GAB1: variants seen among roughly 807,000 people sequenced by gnomAD.
The protein encoded by GAB1 is GRB2-associated-binding protein 1.
A neutral mutation model predicts 66.5 loss-of-function variants in GAB1; 19 were observed. The observed-to-expected ratio is 0.29, with a 90% CI of 0.20 to 0.42. The LOEUF (loss-of-function observed/expected upper bound fraction) is 0.42. GAB1 is among the 10% of genes least tolerant of loss of function. The pLI, the probability that GAB1 is intolerant of heterozygous loss-of-function variation, is 1.00. For synonymous variants in GAB1, 294 were observed against 301.4 expected (o/e 0.98, Z 0.25); for missense variants, 732 against 858.5 (o/e 0.85, Z 1.84).
intron 4 of GAB1, among the ~76,000 whole-genome samples, chr4:143,438,891 T>C (rs1463244439): frequency 6.6e-6 from 1 of 152,110 alleles, no homozygotes; most frequent in Admixed American, 6.6e-5. Context: ...ATAGGCCCTC[T>C]GTTGGGACAG....
intron 1 of GAB1, among the ~76,000 whole-genome samples, chr4:143,345,539 CT>C (rs1398375298): frequency 2.0e-5 from 3 of 151,800 alleles, no homozygotes; most frequent in African/African-American, 7.3e-5. Context: ...TATTTATTTT[CT>C]TTTGGTTTGA....
chr4:143,361,117 G>A (rs370019226), intron 1 of GAB1, among the ~76,000 whole-genome samples: 37 of 152,166 alleles, frequency 2.4e-4, no homozygotes, highest in African/African-American at 7.9e-4. Context: ...TTTTTGGGAA[G>A]GAGTTTTTTT....
At chr4:143,370,524 T>G (rs951691648) in intron 1 of GAB1, among the ~76,000 whole-genome samples, 1 of 152,184 alleles carries the variant, frequency 6.6e-6, no homozygotes, top group Admixed American at 6.5e-5. Flanking sequence ...GAGTGGGATA[T>G]CCCTGCTGTC....
chr4:143,359,180 G>C (rs1729563665), intron 1 of GAB1, among the ~76,000 whole-genome samples: 1 of 152,082 alleles, frequency 6.6e-6, no homozygotes, highest in Non-Finnish European at 1.5e-5. Context: ...CCTCCTTTGG[G>C]GCCATTTCCG....
Position 143,466,083 on chromosome 4 carries a change from T to G in GAB1, c.1804-20T>G. On this transcript the variant is annotated intron_variant, in intron 8 of 9. Transcript: ENST00000262994. Reference sequence around the variant, plus strand: ...TCTGGTGAATGTCTGACCGTTGATTTTGTTGTCTAATACTTTCAGAATCTC... The same window carrying G: ...TCTGGTGAATGTCTGACCGTTGATTGTGTTGTCTAATACTTTCAGAATCTC... The G allele has an allele frequency of 6.2e-7, 1 of 1,612,016 alleles. No individual in the cohort carries two copies.
intron 1 of GAB1, among the ~76,000 whole-genome samples, chr4:143,346,498 G>A (rs1728995998): frequency 6.6e-6 from 1 of 152,202 alleles, no homozygotes. Context: ...GTGGAGGGAT[G>A]ACTCCTTGAT....
intron 1 of GAB1, among the ~76,000 whole-genome samples, chr4:143,409,386 T>C (rs79109630): frequency 0.1 from 14,396 of 137,928 alleles, 879 homozygotes; most frequent in African/African-American, 0.15. Context: ...CTTTGAACTT[T>C]CCCCCCCCCC....
At chr4:143,352,026 C>A (rs1245769670) in intron 1 of GAB1, among the ~76,000 whole-genome samples, 1 of 152,170 alleles carries the variant, frequency 6.6e-6, no homozygotes, top group Non-Finnish European at 1.5e-5. Flanking sequence ...ATGGCTGAGC[C>A]TTTGATCACT....
intron 1 of GAB1, among the ~76,000 whole-genome samples, chr4:143,337,983 CA>C (rs1728716469): frequency 6.6e-6 from 1 of 152,104 alleles, no homozygotes; most frequent in Non-Finnish European, 1.5e-5. Context: ...GATGTGCTGT[CA>C]AACTCGGCAG....
intron 2 of GAB1, among the ~76,000 whole-genome samples, chr4:143,418,601 G>A (rs970139072): frequency 1.3e-5 from 2 of 152,122 alleles, no homozygotes; most frequent in Non-Finnish European, 2.9e-5. Context: ...GGGGACATAA[G>A]GGCAGACTTT....
intron 1 of GAB1, among the ~76,000 whole-genome samples, chr4:143,337,873 T>G (rs1219769405): frequency 2.0e-5 from 3 of 152,276 alleles, no homozygotes; most frequent in African/African-American, 7.2e-5. Context: ...TTCGCGGTTT[T>G]GAATTGAGGG....
In GAB1 at chr4:143,438,207, G is replaced by A; in HGVS notation, c.802G>A (p.Asp268Asn). Residue 268 changes from aspartate to asparagine, a missense_variant, in exon 4 of 10, where the codon GAT (aspartate) becomes AAT (asparagine). By Grantham distance (23) the Asp-to-Asn change is conservative. Coordinates refer to ENST00000262994, the MANE Select transcript of GAB1 (RefSeq NM_002039.4). ...LYNLPRSYSH[D>N]VLPKVSPSST... Reference sequence around the variant, plus strand: ...TAACCTGCCCAGGAGTTATTCCCATGATGTTTTACCAAAGGTGTCTCCATC... The same window carrying A: ...TAACCTGCCCAGGAGTTATTCCCATAATGTTTTACCAAAGGTGTCTCCATC... 1 of 1,614,036 alleles carries A rather than the reference G, an allele frequency of 6.2e-7. No homozygotes were observed. The highest frequency in any genetic ancestry group is 8.5e-7 in the Non-Finnish European group (1 of 1,180,008).
chr4:143,414,849 A>G (rs535264238), intron 1 of GAB1, among the ~76,000 whole-genome samples: 108 of 152,296 alleles, frequency 7.1e-4, no homozygotes, highest in African/African-American at 2.2e-3. Context: ...TTAATATACA[A>G]TTCACTAGCA....
intron 1 of GAB1, among the ~76,000 whole-genome samples, chr4:143,374,145 A>C (rs748704737): frequency 7.9e-5 from 12 of 151,838 alleles, no homozygotes; most frequent in African/African-American, 2.9e-4. Flanking sequence ...TCTAGATTAT[A>C]TGTATAACAT....
intron 1 of GAB1, among the ~76,000 whole-genome samples, chr4:143,367,417 GGAGA>G (rs1457272325): frequency 2.0e-5 from 3 of 152,144 alleles, no homozygotes; most frequent in Non-Finnish European, 4.4e-5. Flanking sequence ...AGTTTAAAAG[GGAGA>G]GAGTGAGAAC....
At chr4:143,456,966 T>C (rs1032248887) in intron 6 of GAB1, among the ~76,000 whole-genome samples, 2 of 152,184 alleles carry the variant, frequency 1.3e-5, no homozygotes, top group Admixed American at 1.3e-4. Flanking sequence ...GAATTTATGC[T>C]TTCAGAAATA....
chr4:143,373,467 A>T (rs1730240108), intron 1 of GAB1, among the ~76,000 whole-genome samples: 1 of 152,172 alleles, frequency 6.6e-6, no homozygotes, highest in South Asian at 2.1e-4. Flanking sequence ...TTATCCAAAC[A>T]TTTTGAAAAA....
intron 2 of GAB1, among the ~76,000 whole-genome samples, chr4:143,431,997 A>G (rs1268663417): frequency 1.3e-5 from 2 of 152,230 alleles, no homozygotes; most frequent in Admixed American, 1.3e-4. Context: ...AGAATAGGAA[A>G]AGACAGCTTA....
Position 143,469,875 on chromosome 4 carries a change from T to G in GAB1, c.*686T>G, listed in dbSNP as rs1191715518. 6.5e-6 allele frequency: 1 copy of G among 152,724 alleles called. No homozygotes were observed. The highest frequency in any genetic ancestry group is 1.5e-5 in the Non-Finnish European group (1 of 68,100). 9.5% of individuals were successfully genotyped at this position (152,724 alleles called of 1,614,324 possible). A position where few individuals can be genotyped will look rare whatever the true frequency, so the allele number is the denominator to read the frequency against. ...TTCTGCCGGGTGGGATCTTGCACCT[T>G]TGAAAGACTGAATAATTACACTACC... On this transcript the variant is annotated 3_prime_UTR_variant, in exon 10 of 10. Transcript: ENST00000262994.
Sources: allele counts gnomAD v4.1 joint callset (sites outside exome capture counted in the v4.1 genomes callset), GRCh38; gene constraint gnomAD v4.1.1; transcripts MANE v1.5; gene names NCBI Gene and HGNC (gene_info 2026-07-23, HGNC 2026-07-21).